DLGAP2: variants seen among roughly 807,000 people sequenced by gnomAD.
The protein encoded by DLGAP2 is disks large-associated protein 2.
Under a neutral mutation model 100.3 loss-of-function variants are expected in DLGAP2, and 26 were observed. The observed-to-expected ratio is 0.26, with a 90% CI of 0.19 to 0.36. The LOEUF is 0.36. DLGAP2 is among the 10% of genes least tolerant of loss of function. The probability of loss-of-function intolerance (pLI) is 1.00; values close to 1 mark genes in which losing one functional copy is unlikely to be tolerated. For missense variants in DLGAP2, 1,858 were observed against 1,453.2 expected, an observed-to-expected ratio of 1.28 and a Z score of -4.53; for synonymous variants, 886 against 630.1, an observed-to-expected ratio of 1.41 and a Z score of -6.08.
chr8:840,683 C>T (rs1341465677), intron 1 of DLGAP2, among the ~76,000 whole-genome samples: 2 of 134,922 alleles, frequency 1.5e-5, no homozygotes, highest in Non-Finnish European at 3.3e-5. Flanking sequence ...ACACGGTGCA[C>T]ACCTGTATGT....
chr8:1,693,046 CAT>C lies in DLGAP2; in HGVS notation c.2796+1426_2796+1427del, dbSNP rs576857768. On this transcript the variant is annotated intron_variant, in intron 13 of 14. Transcript: ENST00000637795. Reference sequence around the variant, plus strand: ...GTTTATATATACACCTATATATAAACATATATAGGTGTATTTATATATAAACA... The same window carrying C: ...GTTTATATATACACCTATATATAAACATATAGGTGTATTTATATATAAACA... 3.4e-5 allele frequency among the ~76,000 whole-genome samples: 5 copies of C among 147,402 alleles called. No individual in the cohort carries two copies. The South Asian group carries it at 6.4e-4, about 19-fold the overall frequency.
At chr8:1,020,433 A>C (rs1297752574) in intron 2 of DLGAP2, among the ~76,000 whole-genome samples, 1 of 152,224 alleles carries the variant, frequency 6.6e-6, no homozygotes, top group Non-Finnish European at 1.5e-5. Context: ...GTAAGGGCTG[A>C]GGCATTATAG....
chr8:1,453,239 G>A (rs1024246674), intron 3 of DLGAP2, among the ~76,000 whole-genome samples: 3 of 152,142 alleles, frequency 2.0e-5, no homozygotes, highest in Non-Finnish European at 4.4e-5. Context: ...GGACGGAGAC[G>A]GGAATGGGCC....
intron 6 of DLGAP2, among the ~76,000 whole-genome samples, chr8:1,591,227 C>A (rs1052393123): frequency 1.3e-5 from 2 of 152,124 alleles, no homozygotes; most frequent in Non-Finnish European, 2.9e-5. Context: ...CTGCAAAGCC[C>A]AAACATTAAT....
chr8:956,581 C>T (rs545264474), intron 2 of DLGAP2, among the ~76,000 whole-genome samples: 3 of 152,212 alleles, frequency 2.0e-5, no homozygotes, highest in East Asian at 1.9e-4. Context: ...AGCCACGCAT[C>T]GTGGGCATCA....
intron 2 of DLGAP2, among the ~76,000 whole-genome samples, chr8:1,221,024 C>A (rs80279053): frequency 6.6e-6 from 1 of 152,128 alleles, no homozygotes; most frequent in Non-Finnish European, 1.5e-5. Context: ...TTGAAGACAG[C>A]GTACAGTTGA....
intron 8 of DLGAP2, among the ~76,000 whole-genome samples, chr8:1,644,326 G>C (rs79108166): frequency 3.9e-5 from 6 of 152,144 alleles, no homozygotes; most frequent in Non-Finnish European, 8.8e-5. Flanking sequence ...GAAGACTGCC[G>C]TCCTCTGTGG....
chr8:1,683,582 C>G (rs1799014901), intron 12 of DLGAP2, among the ~76,000 whole-genome samples: 1 of 150,850 alleles, frequency 6.6e-6, no homozygotes, highest in African/African-American at 2.4e-5. Flanking sequence ...CATCCACAGA[C>G]AGTGCCTCAC....
At chr8:1,433,737 GC>G (rs1797528353) in intron 3 of DLGAP2, among the ~76,000 whole-genome samples, 1 of 52,600 alleles carries the variant, frequency 1.9e-5, no homozygotes, top group Non-Finnish European at 4.4e-5. Context: ...GGCAAAACTG[GC>G]TTTTTTTTTT....
rs530468657 is a variant in DLGAP2 at position 1,571,725 on chromosome 8, G to A, written c.1442+5831G>A. Reference sequence around the variant, plus strand: ...AGGAGAGAGGGTGAACTGTGGGGGCGTCTGATGAGATGGAGAGGAGAGAGG... The same window carrying A: ...AGGAGAGAGGGTGAACTGTGGGGGCATCTGATGAGATGGAGAGGAGAGAGG... On this transcript the variant is annotated intron_variant, in intron 6 of 14. Transcript: ENST00000637795. Among the ~76,000 whole-genome samples the A allele has an allele frequency of 1.3e-3, 145 of 110,334 alleles. 1 individual carries two copies. Among genetic ancestry groups the A allele is most frequent in the African/African-American group, 2.0e-3 (57 of 27,970 alleles). The allele number at this position is 110,334 out of a possible 152,430, so 72.4% of individuals were successfully genotyped here.
intron 8 of DLGAP2, among the ~76,000 whole-genome samples, chr8:1,640,060 G>A (rs368303195): frequency 2.2e-4 from 33 of 152,318 alleles, no homozygotes; most frequent in East Asian, 1.7e-3. Context: ...AGTAGGTTTT[G>A]GTAAATACTG....
At chr8:941,375 C>T (rs543065673) in intron 2 of DLGAP2, among the ~76,000 whole-genome samples, 1 of 152,254 alleles carries the variant, frequency 6.6e-6, no homozygotes, top group African/African-American at 2.4e-5. Context: ...CCGGTCCAAG[C>T]AAGGCTCCCC....
chr8:828,712 T>C (rs1457286881), intron 1 of DLGAP2, among the ~76,000 whole-genome samples: 1 of 152,188 alleles, frequency 6.6e-6, no homozygotes, highest in Non-Finnish European at 1.5e-5. Flanking sequence ...TAAGTGTCCA[T>C]GAAATCTTTA....
chr8:1,033,566 G>A (rs1323766476), intron 2 of DLGAP2, among the ~76,000 whole-genome samples: 1 of 152,192 alleles, frequency 6.6e-6, no homozygotes, highest in East Asian at 1.9e-4. Context: ...TACTAGGGGG[G>A]CCAAGGCAGG....
At position 1,432,474 on chromosome 8, in the gene DLGAP2, C is replaced by T. The variant is rs546605419; in HGVS notation, c.107-68892C>T. Among the ~76,000 whole-genome samples the T allele has an allele frequency of 3.9e-5, 6 of 152,314 alleles. No homozygotes were observed. The South Asian group carries it at 1.0e-3, about 26-fold the overall frequency. On this transcript the variant is annotated intron_variant, in intron 3 of 14. Transcript: ENST00000637795. ...TATTTGTCATTTTCCCATAAAGATT[C>T]ATGGGGCATATTGTCTTGAAATTGC... is the stretch of plus-strand genomic sequence containing the variant.
At chr8:1,274,716 TTTTTTTTTG>T (rs1158494609) in intron 3 of DLGAP2, among the ~76,000 whole-genome samples, 6 of 139,566 alleles carry the variant, frequency 4.3e-5, no homozygotes, top group South Asian at 2.5e-4. Flanking sequence ...TTTTTTTTTT[TTTTTTTTTG>T]CCGTAATTGT....
chr8:808,325 G>A (rs1041199983), intron 1 of DLGAP2, among the ~76,000 whole-genome samples: 1 of 152,166 alleles, frequency 6.6e-6, no homozygotes, highest in Non-Finnish European at 1.5e-5. Context: ...GAGTGATGGT[G>A]CATTTCACTT....
intron 14 of DLGAP2, among the ~76,000 whole-genome samples, chr8:1,699,101 C>T (rs992579246): frequency 2.6e-5 from 4 of 152,222 alleles, no homozygotes; most frequent in Admixed American, 1.3e-4. Context: ...TCAAACGGAA[C>T]GTACTGAAGT....
intron 3 of DLGAP2, among the ~76,000 whole-genome samples, chr8:1,436,055 G>A (rs2130028751): frequency 6.6e-6 from 1 of 152,178 alleles, no homozygotes; most frequent in East Asian, 1.9e-4. Flanking sequence ...TATGAGTCTG[G>A]GTTCTCTAGA....
Sources: gnomAD v4.1 joint callset for allele counts (sites outside exome capture counted in the v4.1 genomes callset) on GRCh38, gnomAD v4.1.1 for gene constraint, MANE v1.5 for transcripts, NCBI Gene and HGNC (gene_info 2026-07-23, HGNC 2026-07-21) for gene names.